Variants in GAD1 observed in about 807,000 individuals in gnomAD.
GAD1 encodes the protein glutamate decarboxylase 1.
Under a neutral mutation model 75.2 loss-of-function variants are expected in GAD1, and 35 were observed. The ratio of observed to expected loss-of-function variants is 0.47; its 90% CI spans 0.36 to 0.62. The LOEUF (loss-of-function observed/expected upper bound fraction) is 0.62. Among genes scored for constraint, GAD1 ranks in the 20% least tolerant of loss-of-function variants. The probability of loss-of-function intolerance (pLI) is 0.00; values close to 1 mark genes in which losing one functional copy is unlikely to be tolerated. For missense variants in GAD1, 490 were observed against 758.5 expected, an observed-to-expected ratio of 0.65 and a Z score of 4.16; for synonymous variants, 257 against 271.9, an observed-to-expected ratio of 0.95 and a Z score of 0.54.
chr2:170,834,701 C>T (rs1702326029), intron 5 of GAD1, among the ~76,000 whole-genome samples: 1 of 152,136 alleles, frequency 6.6e-6, no homozygotes, highest in Admixed American at 6.5e-5. Context: ...ATCCATTCCC[C>T]ATCACCTACA....
intron 14 of GAD1, among the ~76,000 whole-genome samples, chr2:170,854,254 C>T (rs1040918252): frequency 5.3e-5 from 8 of 152,070 alleles, no homozygotes; most frequent in South Asian, 2.1e-4. Flanking sequence ...CTTCTTATAA[C>T]GTTCTCTTAT....
At chr2:170,828,079 C>T (rs1207408979) in intron 3 of GAD1, among the ~76,000 whole-genome samples, 1 of 30,756 alleles carries the variant, frequency 3.3e-5, no homozygotes. Context: ...CCTCCCTCTG[C>T]TGTCCTCACC....
At chr2:170,859,311 ATTATAT>A (rs1487113923) in intron 16 of GAD1, among the ~76,000 whole-genome samples, 2 of 152,184 alleles carry the variant, frequency 1.3e-5, no homozygotes, top group Non-Finnish European at 2.9e-5. Flanking sequence ...GGTTCTTAAG[ATTATAT>A]TTAATTTATA....
rs184735284 is a variant in GAD1 at position 170,818,159 on chromosome 2, A to C, written c.-63-370A>C. 3.9e-3 allele frequency: 680 copies of C among 175,354 alleles called. 3 individuals carry two copies. Among genetic ancestry groups the C allele is most frequent in the African/African-American group, 0.015 (635 of 41,392 alleles). 10.9% of individuals were successfully genotyped at this position (175,354 alleles called of 1,614,324 possible). ...TAGCGGCTCGGCTGGAAAATCGCTC[A>C]CTGAGCGCTCCCCTGTGCTCCTAGC... On this transcript the variant is annotated intron_variant, in intron 1 of 16. Transcript: ENST00000358196. This position sits in a 1 kb window ranked among gnomAD's most constrained non-coding sequence, Gnocchi z 5.9.
chr2:170,854,684 C>T (rs910604172), intron 14 of GAD1, among the ~76,000 whole-genome samples: 3 of 152,214 alleles, frequency 2.0e-5, no homozygotes, highest in South Asian at 2.1e-4. Context: ...GGATTACAGG[C>T]GTGAGCCACC....
chr2:170,817,740 C>T (rs1428328822), intron 1 of GAD1: 2 of 152,336 alleles, frequency 1.3e-5, no homozygotes, highest in African/African-American at 4.8e-5. Context: ...GGATCTGTAC[C>T]GCGAGAAATC....
rs375143277 is a variant in GAD1 at position 170,828,448 on chromosome 2, G to A, written c.146-1027G>A. Reference sequence around the variant, plus strand: ...TCCTCACCCCTCCTCTTCCCTCCGCGGTCCTCGCTGTCCTCCCTCTGCTGT... The same window carrying A: ...TCCTCACCCCTCCTCTTCCCTCCGCAGTCCTCGCTGTCCTCCCTCTGCTGT... On this transcript the variant is annotated intron_variant, in intron 3 of 16. Coordinates refer to ENST00000358196, the MANE Select transcript of GAD1 (RefSeq NM_000817.3). Among the ~76,000 whole-genome samples the A allele has an allele frequency of 8.8e-3, 741 of 83,990 alleles. 25 individuals are homozygous for A. Among genetic ancestry groups the A allele is most frequent in the African/African-American group, 0.033 (685 of 21,006 alleles). 55.1% of individuals were successfully genotyped at this position (83,990 alleles called of 152,430 possible).
At chr2:170,859,479 A>G (rs868365573) in intron 16 of GAD1, among the ~76,000 whole-genome samples, 1 of 152,090 alleles carries the variant, frequency 6.6e-6, no homozygotes, top group Admixed American at 6.5e-5. Context: ...TTATTTTACT[A>G]TCATTGTTCC....
intron 1 of GAD1, 189 bp downstream of exon 1, chr2:170,817,237 C>CGCCTCCCT (rs1553572124): frequency 2.4e-5 from 3 of 125,796 alleles, no homozygotes; most frequent in African/African-American, 8.0e-5. Context: ...CCCCCCCCCC[C>CGCCTCCCT]CGCCTCCCTC....
chr2:170,859,402 C>G (rs1702915738), intron 16 of GAD1, among the ~76,000 whole-genome samples: 1 of 152,104 alleles, frequency 6.6e-6, no homozygotes, highest in African/African-American at 2.4e-5. Context: ...ATCCTGGGCT[C>G]TGGGTTATAC....
At chr2:170,852,576 G>C in intron 12 of GAD1, 138 bp from the exon 13 acceptor site, 4 of 738,918 alleles carry the variant, frequency 5.4e-6, no homozygotes. Context: ...ACATTTGTTT[G>C]CTACTTGATT....
At chr2:170,851,718 C>T (rs1702746677) in intron 12 of GAD1, among the ~76,000 whole-genome samples, 1 of 152,174 alleles carries the variant, frequency 6.6e-6, no homozygotes, top group Non-Finnish European at 1.5e-5. Flanking sequence ...ACCAATGAGG[C>T]AAGTTACCCA....
chr2:170,815,866 C>G (rs941188277), upstream of GAD1, among the ~76,000 whole-genome samples: 6 of 152,206 alleles, frequency 3.9e-5, no homozygotes, highest in Non-Finnish European at 5.9e-5. Flanking sequence ...CGGAGAGACC[C>G]GGGAGCGCAG....
chr2:170,853,989 T>C lies in GAD1; in HGVS notation c.1380T>C (p.Asp460=), dbSNP rs757827415. Reference sequence around the variant, plus strand: ...CAATTCAGTGTGGCCGCCACGTGGATATCTTCAAGTTCTGGCTGATGTGGA... The same window carrying C: ...CAATTCAGTGTGGCCGCCACGTGGACATCTTCAAGTTCTGGCTGATGTGGA... The part of the protein sequence containing the change: ...DKAIQCGRHV[D]IFKFWLMWKA... Residue 460 remains aspartate, a synonymous_variant, in exon 14 of 17, where the codon GAT becomes GAC. Transcript: ENST00000358196. The surrounding 1 kb of genome is among the most constrained non-coding windows in gnomAD (Gnocchi z 4.1). 1 of 1,614,156 alleles carries C rather than the reference T, an allele frequency of 6.2e-7. No individual in the cohort carries two copies. The highest frequency in any genetic ancestry group is 1.1e-5 in the South Asian group (1 of 91,074).
chr2:170,846,175 A>C (rs1702628963), intron 10 of GAD1, 112 bp downstream of exon 10: 1 of 927,932 alleles, frequency 1.1e-6, no homozygotes, highest in African/African-American at 1.7e-5. Context: ...CTAAAATTCT[A>C]TTCTTCAAAT....
At chr2:170,825,893 G>A (rs997735465) in intron 3 of GAD1, among the ~76,000 whole-genome samples, 1 of 151,940 alleles carries the variant, frequency 6.6e-6, no homozygotes, top group Non-Finnish European at 1.5e-5. Context: ...GAGTACACTC[G>A]GCTTCATTCT....
At position 170,853,036 on chromosome 2, in the gene GAD1, A is replaced by C. The variant is rs531600106; in HGVS notation, c.1263+244A>C. ...GGGTCTGTCAGCAACTGAACCTTTA[A>C]GGAAATTATTTAATTGAGTATTCCT... On this transcript the variant is annotated intron_variant, in intron 13 of 16. Coordinates refer to ENST00000358196, the MANE Select transcript of GAD1 (RefSeq NM_000817.3). This position sits in a 1 kb window ranked among gnomAD's most constrained non-coding sequence, Gnocchi z 4.1. 7.0e-6 allele frequency: 4 copies of C among 572,768 alleles called. No homozygotes were observed. The highest frequency in any genetic ancestry group is 1.2e-5 in the Non-Finnish European group (4 of 320,418). 35.5% of individuals were successfully genotyped at this position (572,768 alleles called of 1,614,324 possible). A position where few individuals can be genotyped will look rare whatever the true frequency, so the allele number is the denominator to read the frequency against.
intron 6 of GAD1, chr2:170,842,765 G>A: frequency 6.8e-7 from 1 of 1,477,178 alleles, no homozygotes; most frequent in Non-Finnish European, 9.0e-7. Context: ...ACATATCTGA[G>A]GATCCTTCAG....
intron 3 of GAD1, among the ~76,000 whole-genome samples, chr2:170,822,471 C>T (rs1450257192): frequency 1.3e-5 from 2 of 152,236 alleles, no homozygotes; most frequent in East Asian, 3.9e-4. Flanking sequence ...CCTAGCCCTG[C>T]GCGCAAGCAG....
Sources: allele counts gnomAD v4.1 joint callset (sites outside exome capture counted in the v4.1 genomes callset), GRCh38; gene constraint gnomAD v4.1.1; non-coding constraint Gnocchi (gnomAD v3.1); transcripts MANE v1.5; gene names NCBI Gene and HGNC (gene_info 2026-07-23, HGNC 2026-07-21).